MAD2L2: variants seen among roughly 807,000 people sequenced by gnomAD.
The protein encoded by MAD2L2 is mitotic arrest deficient 2 like 2.
MAD2L2 carries 17 observed loss-of-function variants against 30.5 expected under a neutral mutation model. The observed-to-expected ratio is 0.56, with a 90% CI of 0.38 to 0.84. The LOEUF (loss-of-function observed/expected upper bound fraction) is 0.84. Ranked by LOEUF, MAD2L2 falls within the 40% of genes least tolerant of loss-of-function variation. MAD2L2 has a pLI of 0.00. For synonymous variants in MAD2L2, 101 were observed against 113.9 expected (o/e 0.89, Z 0.72); for missense variants, 213 against 277.4 (o/e 0.77, Z 1.65).
chr1:11,675,353 A>G (rs1364570505), intron 7 of MAD2L2, among the ~76,000 whole-genome samples, 179 bp from the exon 8 acceptor site: 1 of 152,036 alleles, frequency 6.6e-6, no homozygotes, highest in Non-Finnish European at 1.5e-5. Context: ...AGTCCATAGA[A>G]CCCAAGTGAC....
chr1:11,675,692 G>C lies in MAD2L2; in HGVS notation c.467C>G (p.Ala156Gly), dbSNP rs1356187375. 5.6e-6 allele frequency: 9 copies of C among 1,614,144 alleles called. No homozygotes were observed. Among genetic ancestry groups the C allele is most frequent in the Non-Finnish European group, 6.8e-6 (8 of 1,180,006 alleles). The part of the protein sequence containing the change: ...FTVLVHTREA[A>G]TRNMEKIQVI... ...CTGGATCTTCTCCATGTTGCGAGTG[G>C]CGGCTTCTCTCGTGTGCACCAGGAC... Residue 156 changes from alanine (A) to glycine (G), a missense_variant, in exon 7 of 9, where the codon GCC becomes GGC. Ala to Gly is a moderately conservative substitution (Grantham distance 60). Transcript: ENST00000376692.
chr1:11,685,905 T>C (rs754364278), upstream of MAD2L2, among the ~76,000 whole-genome samples: 3 of 152,098 alleles, frequency 2.0e-5, no homozygotes, highest in Admixed American at 1.3e-4. Context: ...TGAGCCATGT[T>C]TGTACCACTG....
chr1:11,677,519 C>T, intron 4 of MAD2L2, 24 bp downstream of exon 4: 1 of 1,610,914 alleles, frequency 6.2e-7, no homozygotes, highest in African/African-American at 1.3e-5. Flanking sequence ...GGTGAGATGG[C>T]TGGGGAGCCC....
intron 1 of MAD2L2, among the ~76,000 whole-genome samples, chr1:11,689,292 C>CAAAAAA (rs70983584): frequency 1.0e-4 from 7 of 67,962 alleles, no homozygotes; most frequent in African/African-American, 3.2e-4. Flanking sequence ...GACTCTGTCT[C>CAAAAAA]AAAAAAAAAA....
chr1:11,679,759 C>T (rs1640834561), intron 3 of MAD2L2, among the ~76,000 whole-genome samples: 1 of 151,990 alleles, frequency 6.6e-6, no homozygotes, highest in Non-Finnish European at 1.5e-5. Context: ...GAACTCCTGA[C>T]CTTGTGATTC....
rs373768897 is a variant in MAD2L2, at chr1:11,688,895, G to A, written c.-692+2518C>T. 1.2e-4 allele frequency among the ~76,000 whole-genome samples: 18 copies of A among 152,252 alleles called. No individual in the cohort carries two copies. In the East Asian group the frequency reaches 2.1e-3, roughly 18 times the overall value. On this transcript the variant is annotated intron_variant, in intron 1 of 10. Coordinates refer to the MAD2L2 transcript ENST00000235310. This position sits in a 1 kb window ranked among gnomAD's most constrained non-coding sequence, Gnocchi z 4.6. ...GTCAAAACCCACCAAAAGCAAGATG[G>A]CCACGAGACCAACCTCTGGTCATCC... is the stretch of plus-strand genomic sequence containing the variant.
At chr1:11,691,214 T>G (rs575907366) in intron 1 of MAD2L2, among the ~76,000 whole-genome samples, 1 of 152,144 alleles carries the variant, frequency 6.6e-6, no homozygotes. Context: ...ATAATCCTTT[T>G]GTGGCCCCGG....
At chr1:11,686,650 G>A (rs1428790870) in intron 1 of MAD2L2, among the ~76,000 whole-genome samples, 4 of 151,862 alleles carry the variant, frequency 2.6e-5, no homozygotes, top group Admixed American at 6.6e-5. Context: ...TGATGTGCCC[G>A]CCTCCACCTG....
chr1:11,682,524 C>T (rs557496009), upstream of MAD2L2, among the ~76,000 whole-genome samples: 1 of 147,268 alleles, frequency 6.8e-6, no homozygotes, highest in Admixed American at 7.1e-5. Flanking sequence ...CTGTAAGTAA[C>T]CCATTAAGCT....
rs1640851484 is a variant in MAD2L2 at position 11,680,425 on chromosome 1, G to C, written c.87C>G (p.Leu29=). 4 of 1,613,828 alleles carry C rather than the reference G, an allele frequency of 2.5e-6. No homozygotes were observed. Among genetic ancestry groups the C allele is most frequent in the Non-Finnish European group, 1.7e-6 (2 of 1,179,946 alleles). Residue 29 remains leucine, a synonymous_variant, in exon 3 of 9, where the codon CTC becomes CTG. Coordinates refer to ENST00000376692, the MANE Select transcript of MAD2L2 (RefSeq NM_006341.4). ...LCEFLEVAVH[L]ILYVREVYPV... ...GGTAGACCTCGCGCACGTAGAGGATGAGATGCACAGCCACCTCCAGGAACT... is the reference window on the plus strand; with the variant it reads ...GGTAGACCTCGCGCACGTAGAGGATCAGATGCACAGCCACCTCCAGGAACT...
chr1:11,683,712 C>G (rs1460634735), upstream of MAD2L2, among the ~76,000 whole-genome samples: 1 of 152,140 alleles, frequency 6.6e-6, no homozygotes, highest in Non-Finnish European at 1.5e-5. Context: ...TGGCTCACGC[C>G]TGTAATCCCA....
rs1640723336 is a variant in MAD2L2, at chr1:11,674,585, C to T, written c.*190G>A. On this transcript the variant is annotated 3_prime_UTR_variant, in exon 9 of 9. Transcript: ENST00000376692. This position sits in a 1 kb window ranked among gnomAD's most constrained non-coding sequence, Gnocchi z 6.1. ...CCAGGAGGCTGAGAAGTCGAGGTTG[C>T]GGCATCCCTCACTGCCCTCCTGGGG... 1.3e-5 allele frequency: 8 copies of T among 594,050 alleles called. No homozygotes were observed. Among genetic ancestry groups the T allele is most frequent in the South Asian group, 9.7e-5 (5 of 51,430 alleles). The allele number at this position is 594,050 out of a possible 1,614,324, so 36.8% of individuals were successfully genotyped here. A position where few individuals can be genotyped will look rare whatever the true frequency, so the allele number is the denominator to read the frequency against.
rs1298248220 is a variant in MAD2L2 at position 11,674,946 on chromosome 1, G to C, written c.595-130C>G. 7.7e-6 allele frequency: 10 copies of C among 1,303,482 alleles called. No homozygotes were observed. Among genetic ancestry groups the C allele is most frequent in the Non-Finnish European group, 1.1e-5 (10 of 913,720 alleles). The allele number at this position is 1,303,482 out of a possible 1,614,324, so 80.7% of individuals were successfully genotyped here. ...TCGTGGCCATAGCCATGGTGGAGAA[G>C]AGTAGAGATGGGAGGAGCCCTCCAC... is the stretch of plus-strand genomic sequence containing the variant. On this transcript the variant is annotated intron_variant, in intron 8 of 8. Transcript: ENST00000376692. The surrounding 1 kb of genome is among the most constrained non-coding windows in gnomAD (Gnocchi z 6.1).
rs548803433 is a variant in MAD2L2, at chr1:11,688,136, G to A, written c.-692+3277C>T. ...GGCCCACAGCTCTATCCTTGGCGAC[G>A]CAAATCATGCTGGCTGCACACTGCC... On this transcript the variant is annotated intron_variant, in intron 1 of 10. Coordinates refer to the MAD2L2 transcript ENST00000235310. The surrounding 1 kb of genome is among the most constrained non-coding windows in gnomAD (Gnocchi z 4.6). Among the ~76,000 whole-genome samples, 7 of 152,256 alleles carry A rather than the reference G, an allele frequency of 4.6e-5. No individual in the cohort carries two copies. The highest frequency in any genetic ancestry group is 1.2e-4 in the African/African-American group (5 of 41,554).
At chr1:11,676,418 G>A (rs1007852067) in intron 5 of MAD2L2, among the ~76,000 whole-genome samples, 2 of 152,118 alleles carry the variant, frequency 1.3e-5, no homozygotes, top group African/African-American at 2.4e-5. Flanking sequence ...TGGTTTTAAT[G>A]TGCAGCCAGG....
chr1:11,690,182 A>G lies in MAD2L2; in HGVS notation c.-692+1231T>C, dbSNP rs541345749. Among the ~76,000 whole-genome samples, 3 of 152,144 alleles carry G rather than the reference A, an allele frequency of 2.0e-5. No individual in the cohort carries two copies. The highest frequency in any genetic ancestry group is 3.9e-4 in the East Asian group (2 of 5,178). ...TGTTCACTTATCTTCTGTCTCCTTC[A>G]CTAGAATCTGAGCTCCATGGGGGCA... On this transcript the variant is annotated intron_variant, in intron 1 of 10. Transcript: ENST00000235310. This position sits in a 1 kb window ranked among gnomAD's most constrained non-coding sequence, Gnocchi z 4.2.
At chr1:11,675,243 T>A in intron 7 of MAD2L2, 69 bp from the exon 8 acceptor site, 1 of 1,106,138 alleles carries the variant, frequency 9.0e-7, no homozygotes, top group Non-Finnish European at 1.3e-6. Context: ...TTGCTGTCCC[T>A]CCCACTCCAG....
chr1:11,689,744 C>G (rs1009811849), intron 1 of MAD2L2, among the ~76,000 whole-genome samples: 30 of 152,194 alleles, frequency 2.0e-4, no homozygotes, highest in Admixed American at 1.9e-3. Flanking sequence ...TATTCCTCTA[C>G]TGTCTTAATA....
intron 1 of MAD2L2, among the ~76,000 whole-genome samples, chr1:11,686,677 A>G (rs1234123465): frequency 1.3e-5 from 2 of 152,182 alleles, no homozygotes; most frequent in African/African-American, 2.4e-5. Flanking sequence ...TGTTGGGATT[A>G]CAGGCTTGAG....
Sources: allele counts gnomAD v4.1 joint callset (sites outside exome capture counted in the v4.1 genomes callset), GRCh38; gene constraint gnomAD v4.1.1; non-coding constraint Gnocchi (gnomAD v3.1); transcripts MANE v1.5; gene names NCBI Gene and HGNC (gene_info 2026-07-23, HGNC 2026-07-21).